The following JAM3 variants were observed in gnomAD, a reference collection of about 807,000 sequenced individuals.
JAM3 encodes the protein junctional adhesion molecule C.
In JAM3, 31 loss-of-function variants were observed where a neutral mutation model predicts 39.4. The observed-to-expected ratio is 0.79, with a 90% CI of 0.59 to 1.06. The LOEUF (loss-of-function observed/expected upper bound fraction) is 1.06. Ranked by LOEUF, JAM3 falls within the 50% of genes least tolerant of loss-of-function variation. The pLI is 0.00. For synonymous variants in JAM3, 182 were observed against 148.7 expected, an observed-to-expected ratio of 1.22 and a Z score of -1.63; for missense variants, 455 against 391.4, an observed-to-expected ratio of 1.16 and a Z score of -1.37.
intron 1 of JAM3, among the ~76,000 whole-genome samples, chr11:134,079,137 C>T (rs1941622221): frequency 6.6e-6 from 1 of 152,098 alleles, no homozygotes; most frequent in Non-Finnish European, 1.5e-5. Context: ...GGTTGTATGC[C>T]TCTCCCTAAG....
At chr11:134,107,444 C>T (rs1032525161) in intron 1 of JAM3, among the ~76,000 whole-genome samples, 1 of 151,910 alleles carries the variant, frequency 6.6e-6, no homozygotes, top group African/African-American at 2.4e-5. Flanking sequence ...AACAAACCTG[C>T]ACGTTGTACA....
At chr11:134,072,242 G>A (rs1312489278) in intron 1 of JAM3, among the ~76,000 whole-genome samples, 1 of 151,870 alleles carries the variant, frequency 6.6e-6, no homozygotes, top group Non-Finnish European at 1.5e-5. Flanking sequence ...TGTAGTAAAA[G>A]AAAGGAAAAT....
intron 1 of JAM3, among the ~76,000 whole-genome samples, chr11:134,114,743 G>A (rs907081035): frequency 1.3e-5 from 2 of 152,120 alleles, no homozygotes; most frequent in Admixed American, 1.3e-4. Context: ...AAAACGTATT[G>A]TGATTTGTTT....
At chr11:134,094,307 A>G (rs1256113860) in intron 1 of JAM3, among the ~76,000 whole-genome samples, 1 of 139,166 alleles carries the variant, frequency 7.2e-6, no homozygotes, top group Non-Finnish European at 1.6e-5. Context: ...AACCCTCCTT[A>G]TTCATCATGT....
intron 1 of JAM3, among the ~76,000 whole-genome samples, chr11:134,111,133 C>CT (rs71038561): frequency 0.053 from 4,596 of 86,720 alleles, 1,114 homozygotes; most frequent in African/African-American, 0.063. Flanking sequence ...ACACATCCAT[C>CT]TTTTTTTTTT....
rs186461280 is a variant in JAM3, at chr11:134,082,368, C to A, written c.76+13209C>A. Among the ~76,000 whole-genome samples the A allele has an allele frequency of 1.9e-3, 292 of 152,256 alleles. 1 individual carries two copies. Among genetic ancestry groups the A allele is most frequent in the African/African-American group, 6.6e-3 (274 of 41,546 alleles). On this transcript the variant is annotated intron_variant, in intron 1 of 8. Transcript: ENST00000299106. ...TATGATTGGTTTTGAAATGTGAGGA[C>A]ATGAGATTTGGGAGGGGCCAGGGGT...
In JAM3 at chr11:134,145,007, C is replaced by G. The variant is rs772858886; in HGVS notation, c.612+13C>G. 1 of 1,593,934 alleles carries G rather than the reference C, an allele frequency of 6.3e-7. No homozygotes were observed. Among genetic ancestry groups the G allele is most frequent in the South Asian group, 1.1e-5 (1 of 90,680 alleles). ...AACAGGCACTTTGGTAAGATCTCTT[C>G]TAAGAGGTGAGGATGGAGATGTCTT... On this transcript the variant is annotated intron_variant, in intron 5 of 8. Coordinates refer to ENST00000299106, the MANE Select transcript of JAM3 (RefSeq NM_032801.5).
intron 1 of JAM3, among the ~76,000 whole-genome samples, chr11:134,084,867 C>G (rs1246644177): frequency 6.6e-6 from 1 of 152,208 alleles, no homozygotes; most frequent in African/African-American, 2.4e-5. Flanking sequence ...CTCTGTCATA[C>G]TTCTCTTTAT....
At chr11:134,104,819 C>A (rs1246431793) in intron 1 of JAM3, among the ~76,000 whole-genome samples, 7 of 151,978 alleles carry the variant, frequency 4.6e-5, no homozygotes, top group Admixed American at 2.0e-4. Context: ...AAGTTGAATC[C>A]CTGAATAGAC....
chr11:134,090,039 T>G (rs1037700663), intron 1 of JAM3, among the ~76,000 whole-genome samples: 17 of 152,366 alleles, frequency 1.1e-4, no homozygotes, highest in East Asian at 3.9e-4. Context: ...TGGTTTTGAT[T>G]TGCATTTGTC....
intron 1 of JAM3, among the ~76,000 whole-genome samples, chr11:134,098,916 G>C (rs1003132115): frequency 1.3e-5 from 2 of 152,102 alleles, no homozygotes; most frequent in African/African-American, 4.8e-5. Context: ...AATGCAACTA[G>C]GGAGAGGCGT....
intron 1 of JAM3, among the ~76,000 whole-genome samples, chr11:134,127,192 A>C (rs886278047): frequency 1.3e-4 from 20 of 152,246 alleles, no homozygotes; most frequent in African/African-American, 4.3e-4. Context: ...TGCTGGCTCC[A>C]TCACTTGGCT....
rs34729848 is a variant in JAM3, at chr11:134,134,398, C to CAAAAAAAAAAAAAAA, written c.77-5443_77-5429dup. The stretch of plus-strand genomic sequence containing the variant: ...AGAAAACACCAAACAGGATAAATGC[C>CAAAAAAAAAAAAAAA]AAAAAAAAAAAAAAAAAAAAAAAAC... On this transcript the variant is annotated intron_variant, in intron 1 of 8. Coordinates refer to ENST00000299106, the MANE Select transcript of JAM3 (RefSeq NM_032801.5). Among the ~76,000 whole-genome samples the CAAAAAAAAAAAAAAA allele has an allele frequency of 1.5e-3, 49 of 31,912 alleles. 1 individual carries two copies. The highest frequency in any genetic ancestry group is 4.4e-3 in the East Asian group (4 of 916). The allele number at this position is 31,912 out of a possible 152,430, so 20.9% of individuals were successfully genotyped here.
intron 1 of JAM3, among the ~76,000 whole-genome samples, chr11:134,117,886 C>T (rs1012044376): frequency 1.9e-4 from 29 of 152,318 alleles, no homozygotes; most frequent in African/African-American, 6.7e-4. Context: ...CCGAAGGGTA[C>T]TGTGAGCCCT....
chr11:134,107,166 G>A (rs1449471488), intron 1 of JAM3, among the ~76,000 whole-genome samples: 2 of 152,314 alleles, frequency 1.3e-5, no homozygotes, highest in East Asian at 3.9e-4. Flanking sequence ...AAAATGATGA[G>A]TTCATGTCCT....
intron 1 of JAM3, among the ~76,000 whole-genome samples, chr11:134,120,315 CTT>C (rs759204287): frequency 6.6e-6 from 1 of 152,222 alleles, no homozygotes; most frequent in Non-Finnish European, 1.5e-5. Context: ...GGAAAAATGT[CTT>C]TTGAGCAAGA....
At position 134,149,268 on chromosome 11, in the gene JAM3, C is replaced by A. The variant is rs1359457611; in HGVS notation, c.*87C>A. 23 of 1,507,102 alleles carry A rather than the reference C, an allele frequency of 1.5e-5. No individual in the cohort carries two copies. The highest frequency in any genetic ancestry group is 2.1e-5 in the Non-Finnish European group (23 of 1,087,470). 93.4% of individuals were successfully genotyped at this position (1,507,102 alleles called of 1,614,324 possible). ...TGTCAAGGCAGCGAGAGCTGATGCA[C>A]TCGGACAGAGCTAGACACTCATTCA... On this transcript the variant is annotated 3_prime_UTR_variant, in exon 9 of 9. Transcript: ENST00000299106.
intron 1 of JAM3, among the ~76,000 whole-genome samples, chr11:134,093,912 C>G (rs1941925634): frequency 8.4e-6 from 1 of 118,468 alleles, no homozygotes; most frequent in African/African-American, 3.5e-5. Flanking sequence ...CCTTACATGT[C>G]ACTTCCTGAG....
At chr11:134,076,938 G>C (rs920340261) in intron 1 of JAM3, among the ~76,000 whole-genome samples, 2 of 150,528 alleles carry the variant, frequency 1.3e-5, no homozygotes, top group African/African-American at 4.9e-5. Context: ...GGGTTCAAGC[G>C]ATTCTTCTAC....
Sources: allele counts gnomAD v4.1 joint callset (sites outside exome capture counted in the v4.1 genomes callset), GRCh38; gene constraint gnomAD v4.1.1; transcripts MANE v1.5; gene names NCBI Gene and HGNC (gene_info 2026-07-23, HGNC 2026-07-21).